Variants in LRMDA observed in about 807,000 individuals in gnomAD.
LRMDA encodes the protein leucine rich melanocyte differentiation associated.
In LRMDA, 18 loss-of-function variants were observed where a neutral mutation model predicts 29.8. The observed-to-expected ratio is 0.60, with a 90% confidence interval of 0.42 to 0.90. The LOEUF (loss-of-function observed/expected upper bound fraction) is 0.90. Among genes scored for constraint, LRMDA ranks in the 40% least tolerant of loss-of-function variants. The pLI is 0.00. For synonymous variants in LRMDA, 125 were observed against 109.4 expected, an observed-to-expected ratio of 1.14 and a Z score of -0.89; for missense variants, 273 against 273.9, an observed-to-expected ratio of 1.00 and a Z score of 0.02.
chr10:75,900,867 G>A (rs908898254), intron 2 of LRMDA, among the ~76,000 whole-genome samples: 9 of 152,090 alleles, frequency 5.9e-5, no homozygotes, highest in African/African-American at 2.2e-4. Context: ...TACTGCATAG[G>A]ACCTTGAGTA....
At chr10:76,507,753 T>A (rs892090138) in intron 6 of LRMDA, among the ~76,000 whole-genome samples, 3 of 152,140 alleles carry the variant, frequency 2.0e-5, no homozygotes, top group African/African-American at 7.2e-5. Context: ...GAAGAGACTA[T>A]CCTTTCCCCA....
chr10:76,442,751 A>G (rs990256636), intron 6 of LRMDA, among the ~76,000 whole-genome samples: 1 of 152,168 alleles, frequency 6.6e-6, no homozygotes, highest in Non-Finnish European at 1.5e-5. Flanking sequence ...TATCTTAAAA[A>G]TCAGTTGATT....
intron 2 of LRMDA, among the ~76,000 whole-genome samples, chr10:75,650,700 G>A (rs940954613): frequency 6.6e-6 from 1 of 152,164 alleles, no homozygotes; most frequent in South Asian, 2.1e-4. Context: ...GGTCTTTCAA[G>A]TCTTTAAAAG....
intron 6 of LRMDA, among the ~76,000 whole-genome samples, chr10:76,346,057 C>T (rs1841104993): frequency 6.6e-6 from 1 of 152,140 alleles, no homozygotes; most frequent in South Asian, 2.1e-4. Context: ...TTTAAGAGTA[C>T]AGTGCTATAC....
At chr10:75,652,256 AAC>A (rs2132127573) in intron 2 of LRMDA, among the ~76,000 whole-genome samples, 1 of 152,344 alleles carries the variant, frequency 6.6e-6, no homozygotes, top group South Asian at 2.1e-4. Flanking sequence ...GACGTTGTGT[AAC>A]AGTAAGCAGA....
chr10:76,082,144 A>G (rs76073886), intron 5 of LRMDA, among the ~76,000 whole-genome samples: 2,388 of 152,278 alleles, frequency 0.016, 51 homozygotes, highest in Non-Finnish European at 0.019. Context: ...ACCCATGTAT[A>G]TGGAACACCA....
chr10:75,696,910 TCA>T (rs1198623602), intron 2 of LRMDA, among the ~76,000 whole-genome samples: 1 of 152,216 alleles, frequency 6.6e-6, no homozygotes, highest in Non-Finnish European at 1.5e-5. Context: ...TTGGCAGATC[TCA>T]GTTTGTCCAG....
At chr10:75,481,980 T>C (rs775971643) in intron 2 of LRMDA, among the ~76,000 whole-genome samples, 17 of 152,230 alleles carry the variant, frequency 1.1e-4, no homozygotes, top group Non-Finnish European at 2.1e-4. Context: ...CTTCCTCACA[T>C]GACCAAATCT....
chr10:75,797,761 G>A (rs898995075), intron 2 of LRMDA, among the ~76,000 whole-genome samples: 8 of 152,148 alleles, frequency 5.3e-5, no homozygotes, highest in African/African-American at 9.7e-5. Flanking sequence ...TTTATTGCAT[G>A]GATATAGCAC....
chr10:75,992,226 T>C (rs1847383066), intron 2 of LRMDA, among the ~76,000 whole-genome samples: 1 of 152,152 alleles, frequency 6.6e-6, no homozygotes, highest in African/African-American at 2.4e-5. Flanking sequence ...GTGTTTTTAA[T>C]CACTGGACAT....
chr10:76,065,063 G>A (rs1415742892), intron 5 of LRMDA, among the ~76,000 whole-genome samples: 2 of 152,026 alleles, frequency 1.3e-5, no homozygotes, highest in African/African-American at 4.8e-5. Context: ...CTTAGATGGT[G>A]TGTTCAAAAA....
intron 2 of LRMDA, among the ~76,000 whole-genome samples, chr10:75,653,406 TC>T (rs1037402544): frequency 9.3e-4 from 141 of 152,304 alleles, no homozygotes; most frequent in African/African-American, 3.2e-3. Flanking sequence ...TCAGTTCCTG[TC>T]CCCTTCTTGT....
At chr10:75,557,859 C>T (rs973301142) in intron 2 of LRMDA, among the ~76,000 whole-genome samples, 9 of 152,206 alleles carry the variant, frequency 5.9e-5, no homozygotes, top group African/African-American at 1.9e-4. Context: ...CTTCCATCTG[C>T]GTCCTCAAGA....
At chr10:75,431,956 G>A (rs1338209849) in intron 1 of LRMDA, among the ~76,000 whole-genome samples, 2 of 152,164 alleles carry the variant, frequency 1.3e-5, no homozygotes, top group African/African-American at 2.4e-5. Flanking sequence ...CCCCCTTGAT[G>A]TGCGGGAAGA....
chr10:75,585,027 T>C (rs1435122531), intron 2 of LRMDA, among the ~76,000 whole-genome samples: 2 of 152,166 alleles, frequency 1.3e-5, no homozygotes, highest in African/African-American at 4.8e-5. Context: ...ATCCGAAGTG[T>C]CCAGCTCGAT....
rs556628661 is a variant in LRMDA, at chr10:76,271,884, G to A, written c.517-52517G>A. ...TACTTGTGACCATGGGAGAGAAGCA[G>A]ACTCAAAGTATACCAAAATTGGAGT... On this transcript the variant is annotated intron_variant, in intron 5 of 6. Coordinates refer to ENST00000611255, the MANE Select transcript of LRMDA (RefSeq NM_001305581.2). 2.6e-5 allele frequency among the ~76,000 whole-genome samples: 4 copies of A among 152,278 alleles called. No individual in the cohort carries two copies. The South Asian group carries it at 8.3e-4, about 32-fold the overall frequency.
intron 6 of LRMDA, among the ~76,000 whole-genome samples, chr10:76,456,781 GA>G (rs902384077): frequency 1.3e-5 from 2 of 152,236 alleles, no homozygotes; most frequent in Admixed American, 6.5e-5. Context: ...CCGTTGTTAA[GA>G]GGTGTTCTTT....
intron 6 of LRMDA, among the ~76,000 whole-genome samples, chr10:76,467,808 C>G (rs796218563): frequency 6.6e-6 from 1 of 152,170 alleles, no homozygotes; most frequent in African/African-American, 2.4e-5. Context: ...ATTTGGCATG[C>G]CAGCTTGGGT....
At chr10:75,962,382 T>C (rs1846783723) in intron 2 of LRMDA, among the ~76,000 whole-genome samples, 1 of 152,180 alleles carries the variant, frequency 6.6e-6, no homozygotes, top group Admixed American at 6.6e-5. Flanking sequence ...AAATGCACAT[T>C]CTCAGGCCTT....
Sources: gnomAD v4.1 joint callset for allele counts (sites outside exome capture counted in the v4.1 genomes callset) on GRCh38, gnomAD v4.1.1 for gene constraint, MANE v1.5 for transcripts, NCBI Gene and HGNC (gene_info 2026-07-23, HGNC 2026-07-21) for gene names.